GRIN3B: variants seen among roughly 807,000 people sequenced by gnomAD.
The protein encoded by GRIN3B is glutamate ionotropic receptor NMDA type subunit 3B, also known as glutamate receptor ionotropic, NMDA 3B.
GRIN3B carries 77 observed loss-of-function variants against 66.0 expected under a neutral mutation model. The observed-to-expected ratio is 1.17, with a 90% CI of 0.97 to 1.41. GRIN3B has a LOEUF of 1.41. Ranked by LOEUF, GRIN3B falls within the 40% of genes most tolerant of loss-of-function variation. The pLI is 0.00. For missense variants in GRIN3B, 1,787 were observed against 1,564.5 expected, an observed-to-expected ratio of 1.14 and a Z score of -2.40; for synonymous variants, 823 against 749.7, an observed-to-expected ratio of 1.10 and a Z score of -1.60.
chr19:1,008,523 CCT>C (rs1011089218), intron 6 of GRIN3B, 93 bp from the exon 7 acceptor site: 24 of 1,431,330 alleles, frequency 1.7e-5, no homozygotes, highest in Non-Finnish European at 2.2e-5. Flanking sequence ...GCCCCAAGCC[CCT>C]CTCTCTGGCC....
chr19:1,008,091 C>A, intron 5 of GRIN3B, 49 bp from the exon 6 acceptor site: 1 of 1,567,196 alleles, frequency 6.4e-7, no homozygotes, highest in Non-Finnish European at 8.7e-7. Flanking sequence ...GGGCAGAGTT[C>A]CCCTGGGGCT....
Position 1,000,799 on chromosome 19 carries a change from C to T in GRIN3B, c.362C>T (p.Ala121Val), listed in dbSNP as rs1187425794. The T allele has an allele frequency of 6.9e-7, 1 of 1,445,144 alleles. No homozygotes were observed. Among genetic ancestry groups the T allele is most frequent in the Non-Finnish European group, 9.0e-7 (1 of 1,106,122 alleles). 89.5% of individuals were successfully genotyped at this position (1,445,144 alleles called of 1,614,324 possible). A position where few individuals can be genotyped will look rare whatever the true frequency, so the allele number is the denominator to read the frequency against. The stretch of plus-strand genomic sequence containing the variant: ...CTGCTGCAGCTGCACTTCCTGGCGG[C>T]GGCCACCGAGACCCCCGTGCTCAGC... Reference protein sequence around the residue: ...PELLQLHFLAAATETPVLSLL... With the variant: ...PELLQLHFLAVATETPVLSLL... Residue 121 changes from alanine to valine, a missense_variant, in exon 1 of 9, where the codon GCG becomes GTG. Ala to Val is a moderately conservative substitution (Grantham distance 64, BLOSUM62 0). Transcript: ENST00000234389.
At position 1,005,050 on chromosome 19, in the gene GRIN3B, G is replaced by A. The variant is rs751442184; in HGVS notation, c.1549G>A (p.Val517Ile). 10 of 1,611,596 alleles carry A rather than the reference G, an allele frequency of 6.2e-6. No individual in the cohort carries two copies. Among genetic ancestry groups the A allele is most frequent in the Middle Eastern group, 1.7e-4 (1 of 6,056 alleles). Reference sequence around the variant, plus strand: ...GCGGGACGGCCGCTGGACCGGCCTGGTCGGGGACCTGCTGGCCGGCCGGGC... The same window carrying A: ...GCGGGACGGCCGCTGGACCGGCCTGATCGGGGACCTGCTGGCCGGCCGGGC... The part of the protein sequence containing the change: ...ALRDGRWTGL[V>I]GDLLAGRAHM... The change falls in exon 3 of 9, where the codon GTC becomes ATC. Residue 517 changes from valine to isoleucine, a missense_variant. By Grantham distance (29) the Val-to-Ile change is conservative (BLOSUM62 3). Coordinates refer to ENST00000234389, the MANE Select transcript of GRIN3B (RefSeq NM_138690.3). The surrounding 1 kb of genome is among the most constrained non-coding windows in gnomAD (Gnocchi z 5.2).
In GRIN3B at chr19:1,003,688, G is replaced by T. The variant is rs762499974; in HGVS notation, c.985G>T (p.Ala329Ser). Reference protein sequence around the residue: ...APVNCGDLQPAGPESPGRFLA... With the variant: ...APVNCGDLQPSGPESPGRFLA... ...GGTCAACTGCGGGGACCTGCAGCCG[G>T]CCGGGCCCGAGTCCCCGGGGCGCTT... Residue 329 changes from alanine (A) to serine (S), a missense_variant, in exon 2 of 9, where the codon GCC (alanine) becomes TCC (serine). Ala to Ser is a moderately conservative substitution (Grantham distance 99). Transcript: ENST00000234389. 101 of 1,406,974 alleles carry T rather than the reference G, an allele frequency of 7.2e-5. No homozygotes were observed. Among genetic ancestry groups the T allele is most frequent in the Non-Finnish European group, 7.8e-5 (85 of 1,087,984 alleles). 87.2% of individuals were successfully genotyped at this position (1,406,974 alleles called of 1,614,324 possible).
At position 1,009,161 on chromosome 19, in the gene GRIN3B, T is replaced by C. The variant is rs1291721353; in HGVS notation, c.2703-12T>C. ...CCCCGGCGGACACTGACCAGGCCGG[T>C]TCCGTCCCCAGCGGCCCCGAGGTGG... is the stretch of plus-strand genomic sequence containing the variant. On this transcript the variant is annotated splice_polypyrimidine_tract_variant and intron_variant, in intron 8 of 8. Coordinates refer to ENST00000234389, the MANE Select transcript of GRIN3B (RefSeq NM_138690.3). 1.6e-5 allele frequency: 24 copies of C among 1,459,166 alleles called. No homozygotes were observed. Among genetic ancestry groups the C allele is most frequent in the Non-Finnish European group, 2.2e-5 (24 of 1,116,168 alleles). 90.4% of individuals were successfully genotyped at this position (1,459,166 alleles called of 1,614,324 possible). A position where few individuals can be genotyped will look rare whatever the true frequency, so the allele number is the denominator to read the frequency against.
chr19:1,008,972 C>T (rs945753479), intron 8 of GRIN3B, 45 bp downstream of exon 8: 1 of 1,555,734 alleles, frequency 6.4e-7, no homozygotes, highest in Admixed American at 1.9e-5. Context: ...CCACCCAGAC[C>T]CACCACCCCA....
intron 1 of GRIN3B, 35 bp from the exon 2 acceptor site, chr19:1,003,095 G>T: frequency 1.5e-6 from 2 of 1,367,134 alleles, no homozygotes; most frequent in African/African-American, 3.1e-5. Context: ...GGGGGTGGAG[G>T]TCGTCAACCC....
In GRIN3B at chr19:1,003,734, C is replaced by T. The variant is rs544833237; in HGVS notation, c.1019+12C>T. On this transcript the variant is annotated intron_variant, in intron 2 of 8. Coordinates refer to ENST00000234389, the MANE Select transcript of GRIN3B (RefSeq NM_138690.3). ...CGCTTCTTGGCACGGTGAGTGGGGACCCTGCTTCCCTTAGGAGGGTGTCCA... is the reference window on the plus strand; with the variant it reads ...CGCTTCTTGGCACGGTGAGTGGGGATCCTGCTTCCCTTAGGAGGGTGTCCA... The T allele has an allele frequency of 1.8e-4, 254 of 1,395,624 alleles. No homozygotes were observed. The African/African-American group carries it at 3.4e-3, about 18-fold the overall frequency. The allele number at this position is 1,395,624 out of a possible 1,614,324, so 86.5% of individuals were successfully genotyped here.
Position 1,004,658 on chromosome 19 carries a change from T to G in GRIN3B, c.1157T>G (p.Val386Gly), listed in dbSNP as rs772178419. The change falls in exon 3 of 9, where the codon GTG becomes GGG. Residue 386 changes from valine (V) to glycine (G), a missense_variant. Physicochemically the swap from Val to Gly is moderately radical, Grantham distance 109 (BLOSUM62 -3). Coordinates refer to ENST00000234389, the MANE Select transcript of GRIN3B (RefSeq NM_138690.3). ...CGGGGCGCCCCGGCCTGGGCCACGG[T>G]GGGCAGCTGGCGGGACGGCCAGCTG... ...DPRGAPAWAT[V>G]GSWRDGQLDL... The G allele has an allele frequency of 1.9e-4, 301 of 1,599,232 alleles. No individual in the cohort carries two copies. Among genetic ancestry groups the G allele is most frequent in the Non-Finnish European group, 2.4e-4 (285 of 1,173,518 alleles).
In GRIN3B at chr19:1,000,551, C is replaced by T. The variant is rs1156836888; in HGVS notation, c.114C>T (p.Arg38=). Residue 38 remains arginine (R), a synonymous_variant, in exon 1 of 9, where the codon CGC becomes CGT. Coordinates refer to ENST00000234389, the MANE Select transcript of GRIN3B (RefSeq NM_138690.3). ...GVLARLGGSV[R]LGALLPRAPL... ...TGGCGCGCCTCGGGGGCTCCGTGCGCCTGGGCGCCCTCCTGCCCCGCGCGC... is the reference window on the plus strand; with the variant it reads ...TGGCGCGCCTCGGGGGCTCCGTGCGTCTGGGCGCCCTCCTGCCCCGCGCGC... 15 of 1,122,380 alleles carry T rather than the reference C, an allele frequency of 1.3e-5. No individual in the cohort carries two copies. In the East Asian group the frequency reaches 6.9e-4, roughly 51 times the overall value. The allele number at this position is 1,122,380 out of a possible 1,614,324, so 69.5% of individuals were successfully genotyped here.
rs930653538 is a variant in GRIN3B at position 1,005,897 on chromosome 19, G to A, written c.2052+344G>A. Among the ~76,000 whole-genome samples, 6 of 151,998 alleles carry A rather than the reference G, an allele frequency of 3.9e-5. No individual in the cohort carries two copies. Among genetic ancestry groups the A allele is most frequent in the Non-Finnish European group, 5.9e-5 (4 of 68,012 alleles). ...TGGGCACCTGTAATCCCAGCTACTC[G>A]GGAGGCTGAGGCAGGAGAATCACTT... On this transcript the variant is annotated intron_variant, in intron 3 of 8. Coordinates refer to ENST00000234389, the MANE Select transcript of GRIN3B (RefSeq NM_138690.3). The surrounding 1 kb of genome is among the most constrained non-coding windows in gnomAD (Gnocchi z 5.2).
Position 1,005,190 on chromosome 19 carries a change from C to T in GRIN3B, c.1689C>T (p.Ala563=), listed in dbSNP as rs967322220. 1 of 1,613,572 alleles carries T rather than the reference C, an allele frequency of 6.2e-7. No homozygotes were observed. The highest frequency in any genetic ancestry group is 2.2e-5 in the East Asian group (1 of 44,882). ...TCATGGTGCGGGCACGGGACACGGC[C>T]TCACCCATCGGTGCCTTTATGTGGC... ...LGIMVRARDT[A]SPIGAFMWPL... is the part of the protein sequence containing the mutation. Residue 563 remains alanine (A), a synonymous_variant, in exon 3 of 9, where the codon GCC becomes GCT. Transcript: ENST00000234389. This position sits in a 1 kb window ranked among gnomAD's most constrained non-coding sequence, Gnocchi z 5.2.
At position 1,003,234 on chromosome 19, in the gene GRIN3B, C is replaced by A. The variant is rs752349345; in HGVS notation, c.531C>A (p.Ala177=). ...QAHAWEDVGL[A]LCRTQDPGGL... ...ACGCCTGGGAAGACGTCGGCCTGGCCCTGTGCCGCACTCAGGACCCCGGCG... is the reference window on the plus strand; with the variant it reads ...ACGCCTGGGAAGACGTCGGCCTGGCACTGTGCCGCACTCAGGACCCCGGCG... Residue 177 remains alanine (A), a synonymous_variant, in exon 2 of 9, where the codon GCC becomes GCA. Coordinates refer to ENST00000234389, the MANE Select transcript of GRIN3B (RefSeq NM_138690.3). The A allele has an allele frequency of 1.3e-6, 2 of 1,576,524 alleles. No homozygotes were observed. The highest frequency in any genetic ancestry group is 4.7e-5 in the East Asian group (2 of 42,542).
chr19:1,008,542 G>C, intron 6 of GRIN3B, 76 bp from the exon 7 acceptor site: 1 of 1,517,178 alleles, frequency 6.6e-7, no homozygotes, highest in Non-Finnish European at 8.9e-7. Context: ...GGCCCAACCT[G>C]TTCTCCCCTA....
In GRIN3B at chr19:1,009,456, CG is replaced by C; in HGVS notation, c.2988del (p.Leu997SerfsTer88). On this transcript the variant is annotated frameshift_variant, in exon 9 of 9. Coordinates refer to ENST00000234389, the MANE Select transcript of GRIN3B (RefSeq NM_138690.3). LOFTEE classifies it low-confidence loss of function (END_TRUNC). Reference sequence around the variant, plus strand: ...GCGCCGCATCGAAGTCGCGCGTGAGCGGCTCCGCCAGGCCCTGGTGCGGCGC... The same window carrying C: ...GCGCCGCATCGAAGTCGCGCGTGAGCGCTCCGCCAGGCCCTGGTGCGGCGC... ...LERRIEVARE[R>X]LRQALVRRGQ... 1 of 1,475,038 alleles carries C rather than the reference CG, an allele frequency of 6.8e-7. No individual in the cohort carries two copies. Among genetic ancestry groups the C allele is most frequent in the Non-Finnish European group, 8.9e-7 (1 of 1,119,516 alleles). The allele number at this position is 1,475,038 out of a possible 1,614,324, so 91.4% of individuals were successfully genotyped here.
rs2038705090 is a variant in GRIN3B at position 1,003,450 on chromosome 19, G to A, written c.747G>A (p.Leu249=). 6.5e-7 allele frequency: 1 copy of A among 1,539,720 alleles called. No individual in the cohort carries two copies. The highest frequency in any genetic ancestry group is 1.2e-5 in the South Asian group (1 of 84,246). The change falls in exon 2 of 9, where the codon CTG becomes CTA. Residue 249 remains leucine, a synonymous_variant. Transcript: ENST00000234389. ...ACATCGCCCGTGCCCGTCGGGTGCT[G>A]GAGGCCGTACCTCCCGGCCCCCACT... ...GCDIARARRV[L]EAVPPGPHWL...
Position 1,004,981 on chromosome 19 carries a change from G to A in GRIN3B, c.1480G>A (p.Asp494Asn), listed in dbSNP as rs374588471. 282 of 1,611,768 alleles carry A rather than the reference G, an allele frequency of 1.7e-4. 3 individuals carry two copies. The South Asian group carries it at 2.7e-3, about 15-fold the overall frequency. The change falls in exon 3 of 9, where the codon GAC (aspartate) becomes AAC (asparagine). Residue 494 changes from aspartate to asparagine, a missense_variant. By Grantham distance (23) the Asp-to-Asn change is conservative. Coordinates refer to ENST00000234389, the MANE Select transcript of GRIN3B (RefSeq NM_138690.3). ...LERLAEDTPF[D>N]FELYLVGDGK... is the part of the protein sequence containing the mutation. ...GCGGCTGGCGGAGGACACGCCCTTCGACTTCGAGCTGTACCTCGTGGGTGA... is the reference window on the plus strand; with the variant it reads ...GCGGCTGGCGGAGGACACGCCCTTCAACTTCGAGCTGTACCTCGTGGGTGA...
At chr19:1,001,218 CAGA>C (rs1317650063) in intron 1 of GRIN3B, among the ~76,000 whole-genome samples, 1 of 152,070 alleles carries the variant, frequency 6.6e-6, no homozygotes, top group African/African-American at 2.4e-5. Flanking sequence ...TCCTTCCCCA[CAGA>C]CCCTTCCCTG....
rs150329173 is a variant in GRIN3B at position 1,008,888 on chromosome 19, C to A, written c.2663C>A (p.Pro888Gln). 1.9e-6 allele frequency: 3 copies of A among 1,610,780 alleles called. No homozygotes were observed. In the African/African-American group the frequency reaches 4.0e-5, roughly 22 times the overall value. ...KIHRALNTEPPEGSKEETAEA... is the reference protein window; with the variant it reads ...KIHRALNTEPQEGSKEETAEA... ...CACCGCGCCCTCAACACGGAGCCAC[C>A]AGAGGGGTCGAAGGAGGAGACGGCA... Residue 888 changes from proline to glutamine, a missense_variant, in exon 8 of 9, where the codon CCA becomes CAA. Physicochemically the swap from Pro to Gln is moderately conservative, Grantham distance 76. Coordinates refer to ENST00000234389, the MANE Select transcript of GRIN3B (RefSeq NM_138690.3).
Sources: allele counts gnomAD v4.1 joint callset (sites outside exome capture counted in the v4.1 genomes callset), GRCh38; gene constraint gnomAD v4.1.1; non-coding constraint Gnocchi (gnomAD v3.1); transcripts MANE v1.5; gene names NCBI Gene and HGNC (gene_info 2026-07-23, HGNC 2026-07-21).